CNBD1: variants seen among roughly 807,000 people sequenced by gnomAD.
CNBD1 encodes cyclic nucleotide binding domain containing 1.
A neutral mutation model predicts 54.4 loss-of-function variants in CNBD1; 71 were observed. The observed-to-expected ratio is 1.30, with a 90% CI of 1.08 to 1.59. The LOEUF is 1.59. Ranked by LOEUF, CNBD1 falls within the 40% of genes most tolerant of loss-of-function variation. The pLI is 0.00. For synonymous variants in CNBD1, 182 were observed against 170.7 expected, an observed-to-expected ratio of 1.07 and a Z score of -0.51; for missense variants, 659 against 518.0, an observed-to-expected ratio of 1.27 and a Z score of -2.64.
intron 1 of CNBD1, among the ~76,000 whole-genome samples, chr8:86,875,018 A>ATATATATATATATATG (rs1277730526): frequency 1.4e-5 from 2 of 139,128 alleles, no homozygotes; most frequent in African/African-American, 5.4e-5. Flanking sequence ...ATATATATAT[A>ATATATATATATATATG]TATGTATTAA....
At chr8:87,337,909 C>T (rs986772437) in intron 8 of CNBD1, among the ~76,000 whole-genome samples, 1 of 152,158 alleles carries the variant, frequency 6.6e-6, no homozygotes, top group Admixed American at 6.5e-5. Flanking sequence ...TTCTAGTCAG[C>T]CATCTTGACC....
intron 10 of CNBD1, among the ~76,000 whole-genome samples, chr8:87,364,852 A>G (rs990956177): frequency 6.6e-6 from 1 of 152,136 alleles, no homozygotes; most frequent in African/African-American, 2.4e-5. Flanking sequence ...ATAGTATTCC[A>G]TGGTGTATGT....
intron 4 of CNBD1, among the ~76,000 whole-genome samples, chr8:87,146,511 T>C (rs1812491938): frequency 1.3e-5 from 2 of 152,166 alleles, no homozygotes; most frequent in Admixed American, 1.3e-4. Flanking sequence ...GCCCTATGGC[T>C]TTAAATATCA....
At chr8:87,372,299 T>C (rs1810827757) in intron 10 of CNBD1, among the ~76,000 whole-genome samples, 1 of 152,024 alleles carries the variant, frequency 6.6e-6, no homozygotes, top group Admixed American at 6.6e-5. Flanking sequence ...TGTTTTTTGA[T>C]AATTTATGAT....
chr8:86,927,061 T>C (rs1809373856), intron 3 of CNBD1, among the ~76,000 whole-genome samples: 1 of 152,086 alleles, frequency 6.6e-6, no homozygotes, highest in Non-Finnish European at 1.5e-5. Flanking sequence ...AAGTTCCACA[T>C]AAGAATATGC....
At chr8:86,966,445 T>A (rs1238733754) in intron 4 of CNBD1, among the ~76,000 whole-genome samples, 2 of 152,208 alleles carry the variant, frequency 1.3e-5, no homozygotes, top group Non-Finnish European at 2.9e-5. Context: ...ATCCGGAGTT[T>A]ATTCCTTCAG....
At chr8:87,342,859 C>A (rs540688405) in intron 8 of CNBD1, among the ~76,000 whole-genome samples, 121 of 152,228 alleles carry the variant, frequency 7.9e-4, no homozygotes, top group Middle Eastern at 3.4e-3. Flanking sequence ...CACGCATTGT[C>A]TTGATAAACA....
At chr8:86,919,292 C>A (rs547717884) in intron 3 of CNBD1, among the ~76,000 whole-genome samples, 1 of 152,172 alleles carries the variant, frequency 6.6e-6, no homozygotes, top group Admixed American at 6.5e-5. Context: ...AAATATGTAA[C>A]AGTTTATTTG....
chr8:86,953,149 G>T (rs1464607215), intron 4 of CNBD1, among the ~76,000 whole-genome samples: 1 of 152,082 alleles, frequency 6.6e-6, no homozygotes, highest in Non-Finnish European at 1.5e-5. Flanking sequence ...AACATTTGTG[G>T]CTATTATGAA....
At chr8:87,406,664 G>C (rs531892908) in intron 2 of CNBD1, among the ~76,000 whole-genome samples, 1 of 152,058 alleles carries the variant, frequency 6.6e-6, no homozygotes, top group African/African-American at 2.4e-5. Context: ...ATTTTTAGTA[G>C]AGATGGGGTT....
chr8:87,265,613 A>G (rs1586375946), intron 6 of CNBD1, among the ~76,000 whole-genome samples: 1 of 152,272 alleles, frequency 6.6e-6, no homozygotes, highest in African/African-American at 2.4e-5. Context: ...ATGAAACTCT[A>G]GATTTGAGGA....
At chr8:87,141,324 C>G (rs994764279) in intron 4 of CNBD1, among the ~76,000 whole-genome samples, 24 of 152,138 alleles carry the variant, frequency 1.6e-4, no homozygotes, top group Middle Eastern at 6.8e-3. Context: ...ATAAGAGTTG[C>G]ATTTGATGTT....
intron 8 of CNBD1, among the ~76,000 whole-genome samples, chr8:87,348,123 C>A (rs1164139163): frequency 6.6e-6 from 1 of 152,018 alleles, no homozygotes; most frequent in Non-Finnish European, 1.5e-5. Flanking sequence ...GTATAGTATT[C>A]ATTCTTTAGG....
At chr8:87,354,513 G>A (rs914006188) in intron 10 of CNBD1, among the ~76,000 whole-genome samples, 22 of 151,684 alleles carry the variant, frequency 1.5e-4, no homozygotes, top group Non-Finnish European at 2.1e-4. Flanking sequence ...CCATTAACTC[G>A]TCATTTAGCA....
intron 8 of CNBD1, among the ~76,000 whole-genome samples, chr8:87,320,623 G>C (rs928651828): frequency 4.1e-5 from 6 of 148,010 alleles, no homozygotes; most frequent in Admixed American, 2.7e-4. Flanking sequence ...TGTGTGTGGG[G>C]GGGCGGCTCA....
chr8:87,369,405 T>C (rs1411023394), intron 10 of CNBD1, among the ~76,000 whole-genome samples: 1 of 152,066 alleles, frequency 6.6e-6, no homozygotes, highest in Non-Finnish European at 1.5e-5. Context: ...CCTCTGCTCA[T>C]GCTCTTTATT....
intron 2 of CNBD1, among the ~76,000 whole-genome samples, chr8:86,899,162 G>C (rs554367185): frequency 6.6e-6 from 1 of 152,190 alleles, no homozygotes; most frequent in East Asian, 1.9e-4. Flanking sequence ...GTTACTAGGG[G>C]CAAGGGTGAA....
In CNBD1 at chr8:86,991,158, G is replaced by A. The variant is rs551523199; in HGVS notation, c.431+51404G>A. 2.0e-5 allele frequency among the ~76,000 whole-genome samples: 3 copies of A among 152,084 alleles called. No homozygotes were observed. In the East Asian group the frequency reaches 5.8e-4, roughly 29 times the overall value. On this transcript the variant is annotated intron_variant, in intron 4 of 10. Transcript: ENST00000518476. The stretch of plus-strand genomic sequence containing the variant: ...ATTTGACTTCTTCCTTTGGAAATTG[G>A]ATGCCCTTTATTTCTTTATCTTATG...
At chr8:87,383,915 A>T (rs1038733691), downstream of CNBD1, among the ~76,000 whole-genome samples, 1 of 152,132 alleles carries the variant, frequency 6.6e-6, no homozygotes, top group Non-Finnish European at 1.5e-5. Context: ...TATTTATAAG[A>T]TGTCAGTGAT....
Sources: allele counts gnomAD v4.1 joint callset (sites outside exome capture counted in the v4.1 genomes callset), GRCh38; gene constraint gnomAD v4.1.1; transcripts MANE v1.5; gene names NCBI Gene and HGNC (gene_info 2026-07-23, HGNC 2026-07-21).